The following CACNA1G variants were observed in gnomAD, a reference collection of about 807,000 sequenced individuals.
CACNA1G encodes the protein voltage-dependent T-type calcium channel subunit alpha-1G.
Under a neutral mutation model 219.4 loss-of-function variants are expected in CACNA1G, and 67 were observed. The observed-to-expected ratio is 0.31, with a 90% CI of 0.25 to 0.37. The LOEUF is 0.37. CACNA1G is among the 10% of genes least tolerant of loss of function. The probability of loss-of-function intolerance (pLI) is 1.00; values close to 1 mark genes in which losing one functional copy is unlikely to be tolerated. For missense variants in CACNA1G, 2,380 were observed against 3,231.4 expected (o/e 0.74, Z 6.39); for synonymous variants, 1,296 against 1,345.3 (o/e 0.96, Z 0.80).
chr17:50,575,924 G>A lies in CACNA1G; in HGVS notation c.1522G>A (p.Gly508Ser). 4 of 1,557,790 alleles carry A rather than the reference G, an allele frequency of 2.6e-6. No individual in the cohort carries two copies. The highest frequency in any genetic ancestry group is 3.5e-6 in the Non-Finnish European group (4 of 1,151,446). ...HHHHHHHYHLGNGTLRAPRAS... is the reference protein window; with the variant it reads ...HHHHHHHYHLSNGTLRAPRAS... ...CCACCATCACCACCACTACCACCTG[G>A]GCAATGGGACGCTCAGGGCCCCCCG... is the stretch of plus-strand genomic sequence containing the variant. The change falls in exon 8 of 38, where the codon GGC becomes AGC. Residue 508 changes from glycine (G) to serine (S), a missense_variant. By Grantham distance (56) the Gly-to-Ser change is moderately conservative. Transcript: ENST00000359106.
rs1482894574 is a variant in CACNA1G, at chr17:50,571,371, G to A, written c.587-507G>A. 6.6e-6 allele frequency among the ~76,000 whole-genome samples: 1 copy of A among 152,160 alleles called. No individual in the cohort carries two copies. The highest frequency in any genetic ancestry group is 1.5e-5 in the Non-Finnish European group (1 of 68,020). ...TAATGACTCTGGTGGTGATAACTTAGAAAGGTCAAGTGACTGTGCCTGTTG... is the reference window on the plus strand; with the variant it reads ...TAATGACTCTGGTGGTGATAACTTAAAAAGGTCAAGTGACTGTGCCTGTTG... On this transcript the variant is annotated intron_variant, in intron 4 of 37. Transcript: ENST00000359106. The surrounding 1 kb of genome is among the most constrained non-coding windows in gnomAD (Gnocchi z 4.3).
At position 50,619,779 on chromosome 17, in the gene CACNA1G, C is replaced by T. The variant is rs1244287680; in HGVS notation, c.5878C>T (p.Pro1960Ser). ...CGAGCTGGCAGGCCCAGGGGGCCAG[C>T]CCTCTGCCTTCCCTTCTGCCCCCAG... ...MDELAGPGGQ[P>S]SAFPSAPSLG... Residue 1960 changes from proline to serine, a missense_variant, in exon 34 of 38, where the codon CCC becomes TCC. By Grantham distance (74) the Pro-to-Ser change is moderately conservative (BLOSUM62 -1). Around this residue, in one of 17 missense-constraint regions of CACNA1G, gnomAD observed 672 missense variants for 670.5 expected, o/e 1.00. Coordinates refer to ENST00000359106, the MANE Select transcript of CACNA1G (RefSeq NM_018896.5). 9 of 1,607,214 alleles carry T rather than the reference C, an allele frequency of 5.6e-6. No homozygotes were observed. In the East Asian group the frequency reaches 2.0e-4, roughly 36 times the overall value.
At chr17:50,604,081 G>C in intron 21 of CACNA1G, 74 bp from the exon 22 acceptor site, 3 of 1,482,186 alleles carry the variant, frequency 2.0e-6, no homozygotes, top group Non-Finnish European at 2.7e-6. Flanking sequence ...GTTGGGGGTG[G>C]GGAGCAGGGT....
In CACNA1G at chr17:50,578,534, A is replaced by ACT; in HGVS notation, c.2273_2274dup (p.Met760AlafsTer17). On this transcript the variant is annotated frameshift_variant, in exon 9 of 38. Transcript: ENST00000359106. LOFTEE classifies it high-confidence loss of function. The surrounding 1 kb of genome is among the most constrained non-coding windows in gnomAD (Gnocchi z 4.5). ...TCATGATCGCCATCCTGGTCAACACACTCAGCATGGGCATCGAATACCACG... is the reference window on the plus strand; with the variant it reads ...TCATGATCGCCATCCTGGTCAACACACTCTCAGCATGGGCATCGAATACCACG... 1 of 1,570,012 alleles carries ACT rather than the reference A, an allele frequency of 6.4e-7. No individual in the cohort carries two copies. Among genetic ancestry groups the ACT allele is most frequent in the South Asian group, 1.2e-5 (1 of 83,938 alleles).
chr17:50,602,710 G>A lies in CACNA1G; in HGVS notation c.3916-110G>A, dbSNP rs149240655. The stretch of plus-strand genomic sequence containing the variant: ...TACATTGTTGTGGAGGGTGGGGGTC[G>A]TTTTCTGAGTCAAATGTTAGAAGCA... On this transcript the variant is annotated intron_variant, in intron 19 of 37. Coordinates refer to ENST00000359106, the MANE Select transcript of CACNA1G (RefSeq NM_018896.5). 2.0e-3 allele frequency: 1,849 copies of A among 924,204 alleles called. 19 individuals are homozygous for A. In the African/African-American group the frequency reaches 0.024, roughly 12 times the overall value. The allele number at this position is 924,204 out of a possible 1,614,324, so 57.3% of individuals were successfully genotyped here.
At chr17:50,604,682 G>A (rs189952992) in intron 22 of CACNA1G, among the ~76,000 whole-genome samples, 101 of 152,358 alleles carry the variant, frequency 6.6e-4, no homozygotes, top group East Asian at 5.0e-3. Context: ...GGTTAGCAGC[G>A]TGCTGGCAGG....
Position 50,578,351 on chromosome 17 carries a change from C to T in CACNA1G, c.2088C>T (p.Phe696=). 1 of 1,613,362 alleles carries T rather than the reference C, an allele frequency of 6.2e-7. No homozygotes were observed. The highest frequency in any genetic ancestry group is 1.1e-5 in the South Asian group (1 of 91,072). Residue 696 remains phenylalanine, a synonymous_variant, in exon 9 of 38, where the codon TTC becomes TTT. Transcript: ENST00000359106. This position sits in a 1 kb window ranked among gnomAD's most constrained non-coding sequence, Gnocchi z 4.5. ...PDSDSEAVYE[F]TQDAQHSDLR... is the part of the protein sequence containing the mutation. Reference sequence around the variant, plus strand: ...CAGACAGCGAGGCAGTTTATGAGTTCACACAGGATGCCCAGCACAGCGACC... The same window carrying T: ...CAGACAGCGAGGCAGTTTATGAGTTTACACAGGATGCCCAGCACAGCGACC...
Position 50,560,726 on chromosome 17 carries a change from T to C in CACNA1G, c.-734T>C, listed in dbSNP as rs912619192. ...GATCCAGCTGTGGTGTGCGCGGGGC[T>C]CCTCGCCGCCGCTTTCGCTCGCTCG... On this transcript the variant is annotated 5_prime_UTR_variant, in exon 1 of 38. Transcript: ENST00000359106. Among the ~76,000 whole-genome samples, 2 of 152,100 alleles carry C rather than the reference T, an allele frequency of 1.3e-5. No individual in the cohort carries two copies. Among genetic ancestry groups the C allele is most frequent in the African/African-American group, 2.4e-5 (1 of 41,430 alleles).
rs1463363028 is a variant in CACNA1G at position 50,621,286 on chromosome 17, T to C, written c.5926-374T>C. Among the ~76,000 whole-genome samples, 1 of 151,334 alleles carries C rather than the reference T, an allele frequency of 6.6e-6. No homozygotes were observed. Among genetic ancestry groups the C allele is most frequent in the Non-Finnish European group, 1.5e-5 (1 of 67,822 alleles). On this transcript the variant is annotated intron_variant, in intron 34 of 37. Coordinates refer to ENST00000359106, the MANE Select transcript of CACNA1G (RefSeq NM_018896.5). This position sits in a 1 kb window ranked among gnomAD's most constrained non-coding sequence, Gnocchi z 4.6. The stretch of plus-strand genomic sequence containing the variant: ...TTCATTTTTTTTTTTTTTGGTATCA[T>C]CTTTTTGAGAGTCGCAAGCCCTCGG...
At position 50,616,331 on chromosome 17, in the gene CACNA1G, G is replaced by A. The variant is rs575946719; in HGVS notation, c.4968G>A (p.Leu1656=). 2.5e-6 allele frequency: 4 copies of A among 1,613,854 alleles called. No individual in the cohort carries two copies. Among genetic ancestry groups the A allele is most frequent in the South Asian group, 1.1e-5 (1 of 91,068 alleles). The stretch of plus-strand genomic sequence containing the variant: ...ACATCTTCACTGTCATCTTTGTCTT[G>A]GAGTCAGTTTTCAAACTTGTGGCCT... ...CNYIFTVIFV[L]ESVFKLVAFG... Residue 1656 remains leucine (L), a synonymous_variant, in exon 28 of 38, where the codon TTG becomes TTA. Coordinates refer to ENST00000359106, the MANE Select transcript of CACNA1G (RefSeq NM_018896.5).
rs929106059 is a variant in CACNA1G at position 50,616,637 on chromosome 17, T to G, written c.5021+253T>G. On this transcript the variant is annotated intron_variant, in intron 28 of 37. Transcript: ENST00000359106. Reference sequence around the variant, plus strand: ...CTGGCAGCTAGAAATCAGTGTGACCTAGCCTGGGGCTTAAGAGCACAGAGC... The same window carrying G: ...CTGGCAGCTAGAAATCAGTGTGACCGAGCCTGGGGCTTAAGAGCACAGAGC... 3.3e-5 allele frequency among the ~76,000 whole-genome samples: 5 copies of G among 152,254 alleles called. No individual in the cohort carries two copies. The East Asian group carries it at 9.6e-4, about 29-fold the overall frequency.
intron 19 of CACNA1G, 41 bp downstream of exon 19, chr17:50,601,215 G>T (rs1279546153): frequency 2.5e-6 from 4 of 1,607,164 alleles, no homozygotes; most frequent in Non-Finnish European, 2.6e-6. Flanking sequence ...CTCTCCTGGG[G>T]TTTGCACTCA....
chr17:50,600,876 C>T lies in CACNA1G; in HGVS notation c.3791+50C>T, dbSNP rs568614947. 3.0e-4 allele frequency: 477 copies of T among 1,577,358 alleles called. No individual in the cohort carries two copies. Among genetic ancestry groups the T allele is most frequent in the Middle Eastern group, 5.0e-4 (3 of 6,020 alleles). On this transcript the variant is annotated intron_variant, in intron 18 of 37. Transcript: ENST00000359106. This position sits in a 1 kb window ranked among gnomAD's most constrained non-coding sequence, Gnocchi z 4.1. ...CCTGTGTCCCGACCTCTTCTTCTCA[C>T]GGGAAATTACCGCTGGTGATGCTGT...
At chr17:50,562,758 C>A (rs2036244380) in intron 1 of CACNA1G, among the ~76,000 whole-genome samples, 1 of 152,190 alleles carries the variant, frequency 6.6e-6, no homozygotes, top group South Asian at 2.1e-4. Context: ...CCAGCGTAGA[C>A]TCCGCAGATA....
Position 50,572,555 on chromosome 17 carries a change from C to G in CACNA1G, c.748C>G (p.Pro250Ala). 1.3e-6 allele frequency: 2 copies of G among 1,534,496 alleles called. No individual in the cohort carries two copies. The highest frequency in any genetic ancestry group is 8.8e-7 in the Non-Finnish European group (1 of 1,138,602). ...RCFLPENFSL[P>A]LSVDLERYYQ... ...CCTGTTCCCCTTCCCATCCTGCAGC[C>G]CCCTGAGCGTGGACCTGGAGCGCTA... The change falls in exon 6 of 38, where the codon CCC (proline) becomes GCC (alanine). Residue 250 changes from proline (P) to alanine (A), a missense_variant and splice_region_variant. Coordinates refer to ENST00000359106, the MANE Select transcript of CACNA1G (RefSeq NM_018896.5).
At chr17:50,609,437 G>A (rs1250415564) in intron 25 of CACNA1G, among the ~76,000 whole-genome samples, 1 of 152,150 alleles carries the variant, frequency 6.6e-6, no homozygotes, top group African/African-American at 2.4e-5. Flanking sequence ...CTGAGCAGGT[G>A]CAGTGTCCCC....
intron 9 of CACNA1G, among the ~76,000 whole-genome samples, chr17:50,589,511 T>C (rs2043708931): frequency 6.6e-6 from 1 of 152,118 alleles, no homozygotes; most frequent in South Asian, 2.1e-4. Flanking sequence ...GTGGCTGGCA[T>C]GTTTTTGCAG....
In CACNA1G at chr17:50,599,788, C is replaced by T. The variant is rs775810943; in HGVS notation, c.3619C>T (p.Arg1207Cys). 3.7e-6 allele frequency: 6 copies of T among 1,613,022 alleles called. No individual in the cohort carries two copies. Among genetic ancestry groups the T allele is most frequent in the South Asian group, 3.3e-5 (3 of 91,076 alleles). The change falls in exon 17 of 38, where the codon CGC becomes TGC. Residue 1207 changes from arginine (R) to cysteine (C), a missense_variant. Physicochemically the swap from Arg to Cys is radical, Grantham distance 180 (BLOSUM62 -3). Coordinates refer to ENST00000359106, the MANE Select transcript of CACNA1G (RefSeq NM_018896.5). ...CTGCAATGGCAAGTCGGCTTCAGGGCGCCTGGCCCGGGCCCTGCGGCCTGA... is the reference window on the plus strand; with the variant it reads ...CTGCAATGGCAAGTCGGCTTCAGGGTGCCTGGCCCGGGCCCTGCGGCCTGA... The part of the protein sequence containing the change: ...QDCNGKSASG[R>C]LARALRPDDP...
At position 50,595,070 on chromosome 17, in the gene CACNA1G, G is replaced by A. The variant is rs977079960; in HGVS notation, c.2979+9G>A. 40 of 1,550,120 alleles carry A rather than the reference G, an allele frequency of 2.6e-5. No individual in the cohort carries two copies. Among genetic ancestry groups the A allele is most frequent in the South Asian group, 7.1e-5 (6 of 84,178 alleles). ...CTGTCGACTCCCAGGGGGTAGGTAC[G>A]CGATCATGAGCCGGCATGCCTCCCG... On this transcript the variant is annotated intron_variant, in intron 14 of 37. Coordinates refer to ENST00000359106, the MANE Select transcript of CACNA1G (RefSeq NM_018896.5).
Sources: allele counts gnomAD v4.1 joint callset (sites outside exome capture counted in the v4.1 genomes callset), GRCh38; gene constraint gnomAD v4.1.1; regional missense constraint gnomAD v4.1.1; non-coding constraint Gnocchi (gnomAD v3.1); transcripts MANE v1.5; gene names NCBI Gene and HGNC (gene_info 2026-07-23, HGNC 2026-07-21).